UBR3: variants seen among roughly 807,000 people sequenced by gnomAD.
UBR3 encodes ubiquitin protein ligase E3 component n-recognin 3.
A neutral mutation model predicts 243.2 loss-of-function variants in UBR3; 85 were observed. The ratio of observed to expected loss-of-function variants is 0.35; its 90% CI spans 0.29 to 0.42. UBR3 has a LOEUF of 0.42. Ranked by LOEUF, UBR3 falls within the 10% of genes least tolerant of loss-of-function variation. The pLI, the probability that UBR3 is intolerant of heterozygous loss-of-function variation, is 1.00. For synonymous variants in UBR3, 748 were observed against 799.8 expected, an observed-to-expected ratio of 0.94 and a Z score of 1.09; for missense variants, 1,686 against 2,300.8, an observed-to-expected ratio of 0.73 and a Z score of 5.47.
At chr2:170,056,700 A>G (rs1309722685) in intron 33 of UBR3, among the ~76,000 whole-genome samples, 5 of 152,254 alleles carry the variant, frequency 3.3e-5, no homozygotes, top group Non-Finnish European at 7.3e-5. Flanking sequence ...GAGAAAACCA[A>G]TTATAAATAC....
At chr2:170,009,300 T>A (rs184574209) in intron 29 of UBR3, among the ~76,000 whole-genome samples, 1 of 152,236 alleles carries the variant, frequency 6.6e-6, no homozygotes, top group Admixed American at 6.5e-5. Context: ...CACTTTGATT[T>A]ATGGAAAAAT....
chr2:170,081,657 A>T lies in UBR3; in HGVS notation c.5550-69A>T. ...CTGCGAGAGACTGTCTCAGAAAAAA[A>T]AGAAGAAAGAAATGCATGTGAAATC... On this transcript the variant is annotated intron_variant, in intron 38 of 38. Coordinates refer to ENST00000272793, the MANE Select transcript of UBR3 (RefSeq NM_172070.4). 2.5e-6 allele frequency: 3 copies of T among 1,224,128 alleles called. 1 individual carries two copies. The South Asian group carries it at 5.0e-5, about 21-fold the overall frequency. 75.8% of individuals were successfully genotyped at this position (1,224,128 alleles called of 1,614,324 possible). A position where few individuals can be genotyped will look rare whatever the true frequency, so the allele number is the denominator to read the frequency against.
chr2:170,054,334 T>A (rs2091286689), intron 32 of UBR3, among the ~76,000 whole-genome samples: 1 of 148,210 alleles, frequency 6.7e-6, no homozygotes, highest in Admixed American at 6.8e-5. Flanking sequence ...TGGGCTGGAG[T>A]GCAATGCCAG....
At chr2:170,027,356 A>C (rs898947464) in intron 30 of UBR3, among the ~76,000 whole-genome samples, 23 of 151,556 alleles carry the variant, frequency 1.5e-4, no homozygotes, top group African/African-American at 4.8e-4. Context: ...TCTATTATAT[A>C]GTAATGGTAC....
chr2:169,834,617 C>A (rs1458465489), intron 1 of UBR3, among the ~76,000 whole-genome samples: 4 of 152,168 alleles, frequency 2.6e-5, no homozygotes, highest in African/African-American at 7.2e-5. Context: ...AGTTATATCC[C>A]ATTTCATCTG....
intron 1 of UBR3, among the ~76,000 whole-genome samples, chr2:169,852,850 C>CAAAAAAAAAAAAAAAAAAAAAAAAAAAAA (rs869283640): frequency 2.1e-5 from 1 of 48,284 alleles, no homozygotes; most frequent in African/African-American, 9.5e-5. Context: ...GACTTCATCT[C>CAAAAAAAAAAAAAAAAAAAAAAAAAAAAA]AAAAAAAAAA....
At chr2:169,968,873 T>C (rs1048220947) in intron 24 of UBR3, among the ~76,000 whole-genome samples, 4 of 152,214 alleles carry the variant, frequency 2.6e-5, no homozygotes, top group Non-Finnish European at 5.9e-5. Context: ...TTTTTGATAA[T>C]AGCTATTTTA....
intron 1 of UBR3, among the ~76,000 whole-genome samples, chr2:169,866,262 AAAAAAAAAAGC>A (rs543187909): frequency 0.041 from 6,119 of 150,344 alleles, 135 homozygotes; most frequent in Middle Eastern, 0.065. Flanking sequence ...GTCTCAAAAA[AAAAAAAAAAGC>A]AAAAAAAGCT....
At chr2:170,040,248 C>T (rs2090934155) in intron 31 of UBR3, among the ~76,000 whole-genome samples, 1 of 152,088 alleles carries the variant, frequency 6.6e-6, no homozygotes, top group Non-Finnish European at 1.5e-5. Context: ...AAGCAATCCT[C>T]CCACACACCA....
rs1466798777 is a variant in UBR3, at chr2:169,882,333, TTATATAATATA to T, written c.1038+3763_1038+3773del. Reference sequence around the variant, plus strand: ...TATATATTTATATATTATATATGTATTATATAATATATATGTAAATATATATTATATATGTA... The same window carrying T: ...TATATATTTATATATTATATATGTATTATGTAAATATATATTATATATGTA... On this transcript the variant is annotated intron_variant, in intron 5 of 38. Coordinates refer to ENST00000272793, the MANE Select transcript of UBR3 (RefSeq NM_172070.4). 1.8e-3 allele frequency among the ~76,000 whole-genome samples: 257 copies of T among 139,484 alleles called. 2 individuals carry two copies. The highest frequency in any genetic ancestry group is 6.5e-3 in the African/African-American group (247 of 38,164). The allele number at this position is 139,484 out of a possible 152,430, so 91.5% of individuals were successfully genotyped here.
chr2:169,909,794 GT>G (rs1462992559), intron 10 of UBR3, among the ~76,000 whole-genome samples: 1 of 151,818 alleles, frequency 6.6e-6, no homozygotes, highest in African/African-American at 2.4e-5. Context: ...AAATACATGT[GT>G]TTATTTTTTG....
rs183294843 is a variant in UBR3, at chr2:169,943,228, T to C, written c.2805+594T>C. Among the ~76,000 whole-genome samples, 18 of 152,330 alleles carry C rather than the reference T, an allele frequency of 1.2e-4. No homozygotes were observed. In the East Asian group the frequency reaches 3.3e-3, roughly 28 times the overall value. On this transcript the variant is annotated intron_variant, in intron 20 of 38. Coordinates refer to ENST00000272793, the MANE Select transcript of UBR3 (RefSeq NM_172070.4). ...TATTTGACTAACATTAATTGTGTACTCAAAAACTTGTGTGAAGCATAATAT... is the reference window on the plus strand; with the variant it reads ...TATTTGACTAACATTAATTGTGTACCCAAAAACTTGTGTGAAGCATAATAT...
At chr2:169,961,791 T>A (rs56343673) in intron 24 of UBR3, among the ~76,000 whole-genome samples, 14,737 of 152,064 alleles carry the variant, frequency 0.097, 850 homozygotes, top group African/African-American at 0.16. Flanking sequence ...ATCTATGAGA[T>A]CTTTTCCCAT....
chr2:170,037,593 G>A (rs918625888), intron 31 of UBR3, among the ~76,000 whole-genome samples: 3 of 151,996 alleles, frequency 2.0e-5, no homozygotes, highest in African/African-American at 7.2e-5. Flanking sequence ...TCACCATATT[G>A]GTCAGGCTGG....
chr2:169,834,243 C>T (rs909968219), intron 1 of UBR3, among the ~76,000 whole-genome samples: 1 of 152,182 alleles, frequency 6.6e-6, no homozygotes, highest in African/African-American at 2.4e-5. Flanking sequence ...AGAACTGCTT[C>T]ATTTTTAAAG....
At chr2:169,891,397 G>A (rs939157765) in intron 6 of UBR3, among the ~76,000 whole-genome samples, 166 bp downstream of exon 6, 2 of 151,996 alleles carry the variant, frequency 1.3e-5, no homozygotes, top group African/African-American at 2.4e-5. Flanking sequence ...ATTGTTAAGC[G>A]ATTACTATTG....
chr2:169,849,613 C>G (rs2105291763), intron 1 of UBR3, among the ~76,000 whole-genome samples: 1 of 152,264 alleles, frequency 6.6e-6, no homozygotes, highest in East Asian at 1.9e-4. Flanking sequence ...AAATTAGGAA[C>G]TTTTAGCTTG....
At chr2:169,906,286 T>G (rs1316627261) in intron 10 of UBR3, 122 bp downstream of exon 10, 1 of 1,168,464 alleles carries the variant, frequency 8.6e-7, no homozygotes, top group East Asian at 2.8e-5. Context: ...TTCAGCTTTA[T>G]GAAAACTGAC....
At chr2:169,933,334 A>C (rs943267798) in intron 19 of UBR3, among the ~76,000 whole-genome samples, 2 of 152,216 alleles carry the variant, frequency 1.3e-5, no homozygotes, top group African/African-American at 4.8e-5. Context: ...ACAAGTTAAG[A>C]GAATAGAATT....
Sources: allele counts gnomAD v4.1 joint callset (sites outside exome capture counted in the v4.1 genomes callset), GRCh38; gene constraint gnomAD v4.1.1; transcripts MANE v1.5; gene names NCBI Gene and HGNC (gene_info 2026-07-23, HGNC 2026-07-21).